Variants in DNAH17 observed in about 807,000 individuals in gnomAD.
The protein encoded by DNAH17 is dynein axonemal heavy chain 17.
In DNAH17, 376 loss-of-function variants were observed where a neutral mutation model predicts 485.6. The ratio of observed to expected loss-of-function variants is 0.77; its 90% CI spans 0.71 to 0.84. The LOEUF (loss-of-function observed/expected upper bound fraction) is 0.84, where lower values mean the gene tolerates loss of function less well. DNAH17 is among the 40% of genes least tolerant of loss of function. The pLI, the probability that DNAH17 is intolerant of heterozygous loss-of-function variation, is 0.00. For missense variants in DNAH17, 6,370 were observed against 5,839.3 expected (o/e 1.09, Z -2.96); for synonymous variants, 3,031 against 2,405.9 (o/e 1.26, Z -7.60).
At chr17:78,445,819 A>G (rs2087264507) in intron 69 of DNAH17, 139 bp from the exon 70 acceptor site, 6 of 914,308 alleles carry the variant, frequency 6.6e-6, no homozygotes, top group Non-Finnish European at 9.8e-6. Context: ...GGTTTGGGGT[A>G]AAGTTTTGTC....
At chr17:78,515,776 C>T (rs1341924955) in intron 25 of DNAH17, among the ~76,000 whole-genome samples, 1 of 152,244 alleles carries the variant, frequency 6.6e-6, no homozygotes, top group Non-Finnish European at 1.5e-5. Context: ...TCCCAGGAAA[C>T]AACTGCTTGG....
intron 2 of DNAH17, among the ~76,000 whole-genome samples, chr17:78,574,339 C>CA (rs1457791630): frequency 6.6e-6 from 1 of 151,850 alleles, no homozygotes; most frequent in African/African-American, 2.4e-5. Context: ...CATCTCTTAC[C>CA]AAAAAATACG....
At chr17:78,466,510 C>T in intron 56 of DNAH17, 145 bp downstream of exon 56, 1 of 533,444 alleles carries the variant, frequency 1.9e-6, no homozygotes, top group Admixed American at 4.3e-5. Context: ...GAGTTTCTGG[C>T]AGCCTCTTAA....
chr17:78,562,013 A>C (rs1265074208), intron 11 of DNAH17, 33 bp from the exon 12 acceptor site: 1 of 1,534,892 alleles, frequency 6.5e-7, no homozygotes, highest in Admixed American at 2.0e-5. Context: ...CCTCTTCACC[A>C]CAGTCTCCTC....
intron 13 of DNAH17, among the ~76,000 whole-genome samples, chr17:78,560,479 TC>T (rs61060108): frequency 0.23 from 34,144 of 151,688 alleles, 4,512 homozygotes; most frequent in East Asian, 0.5. Context: ...AAAGACTTTT[TC>T]CCCCCCCCCA....
intron 48 of DNAH17, among the ~76,000 whole-genome samples, chr17:78,484,366 CCTCT>C (rs1448479380): frequency 1.3e-5 from 2 of 152,012 alleles, no homozygotes; most frequent in African/African-American, 4.8e-5. Context: ...GAATGCTCTC[CCTCT>C]AAGGTCCCAC....
intron 19 of DNAH17, among the ~76,000 whole-genome samples, chr17:78,536,891 C>G (rs1447801129): frequency 6.6e-6 from 1 of 151,790 alleles, no homozygotes; most frequent in African/African-American, 2.4e-5. Context: ...AAAAGGTAAG[C>G]AGGGCCGGGC....
At chr17:78,500,983 G>A (rs935399969) in intron 35 of DNAH17, 3 of 519,804 alleles carry the variant, frequency 5.8e-6, no homozygotes, top group Non-Finnish European at 9.5e-6. Context: ...CCACAGAGGG[G>A]TGCAGGAACT....
chr17:78,428,924 TAAAAAAAAA>T (rs11409298), intron 76 of DNAH17, among the ~76,000 whole-genome samples, 188 bp downstream of exon 76: 1 of 103,318 alleles, frequency 9.7e-6, no homozygotes, highest in South Asian at 3.5e-4. Flanking sequence ...TTTCTTTCTT[TAAAAAAAAA>T]AAAAAAAAAA....
intron 32 of DNAH17, 61 bp from the exon 33 acceptor site, chr17:78,502,759 G>A: frequency 1.9e-6 from 3 of 1,597,072 alleles, no homozygotes; most frequent in Non-Finnish European, 2.6e-6. Context: ...TGCTAACGCA[G>A]ACATTCCTGC....
intron 51 of DNAH17, among the ~76,000 whole-genome samples, chr17:78,477,999 CCAT>C (rs879224618): frequency 6.1e-5 from 7 of 115,492 alleles, no homozygotes; most frequent in African/African-American, 1.1e-4. Context: ...ATCACCACCA[CCAT>C]CATCACCATC....
chr17:78,573,701 G>A lies in DNAH17; in HGVS notation c.346-807C>T, dbSNP rs116602336. Among the ~76,000 whole-genome samples, 413 of 152,046 alleles carry A rather than the reference G, an allele frequency of 2.7e-3. 3 individuals are homozygous for A. Among genetic ancestry groups the A allele is most frequent in the African/African-American group, 9.6e-3 (399 of 41,454 alleles). Reference sequence around the variant, plus strand: ...AGGGGAGATTAGACATGCACAGAAGGCCGACCACATGAGGACCCAGGGAGA... The same window carrying A: ...AGGGGAGATTAGACATGCACAGAAGACCGACCACATGAGGACCCAGGGAGA... On this transcript the variant is annotated intron_variant, in intron 2 of 80. Coordinates refer to ENST00000389840, the MANE Select transcript of DNAH17 (RefSeq NM_173628.4).
chr17:78,479,147 A>C, intron 50 of DNAH17, 31 bp from the exon 51 acceptor site: 4 of 1,606,182 alleles, frequency 2.5e-6, no homozygotes, highest in Non-Finnish European at 3.4e-6. Context: ...GTCAATTCTC[A>C]TGTACTCTTG....
At chr17:78,553,283 G>GTGTTTTTT (rs2091945217) in intron 14 of DNAH17, among the ~76,000 whole-genome samples, 1 of 51,018 alleles carries the variant, frequency 2.0e-5, no homozygotes, top group Admixed American at 2.7e-4. Flanking sequence ...AGGTTTTTGT[G>GTGTTTTTT]TTTTTTTTTT....
intron 65 of DNAH17, 115 bp downstream of exon 65, chr17:78,453,228 G>C: frequency 7.1e-7 from 1 of 1,409,582 alleles, no homozygotes; most frequent in Non-Finnish European, 9.7e-7. Flanking sequence ...CAAAGCCCTT[G>C]CTGCTTACCA....
At chr17:78,437,095 CCTAG>C (rs1179095666) in intron 74 of DNAH17, among the ~76,000 whole-genome samples, 14 of 152,188 alleles carry the variant, frequency 9.2e-5, no homozygotes, top group Non-Finnish European at 1.9e-4. Flanking sequence ...GACCGGGCTC[CCTAG>C]CTAGCTGTGT....
chr17:78,563,954 C>T (rs2092214351), intron 11 of DNAH17, among the ~76,000 whole-genome samples: 2 of 151,286 alleles, frequency 1.3e-5, no homozygotes, highest in African/African-American at 4.9e-5. Flanking sequence ...TGAGCATAAA[C>T]ATACGTGAAA....
chr17:78,453,659 G>C (rs539057128), intron 64 of DNAH17, among the ~76,000 whole-genome samples, 194 bp from the exon 65 acceptor site: 6 of 152,220 alleles, frequency 3.9e-5, no homozygotes, highest in African/African-American at 1.4e-4. Context: ...AACTGCCCCC[G>C]TGCTCTTATG....
intron 19 of DNAH17, among the ~76,000 whole-genome samples, chr17:78,536,976 C>T (rs963335415): frequency 6.6e-6 from 1 of 151,778 alleles, no homozygotes; most frequent in Admixed American, 6.6e-5. Context: ...GAGATCCAGA[C>T]CATCCTGGCT....
Sources: allele counts gnomAD v4.1 joint callset (sites outside exome capture counted in the v4.1 genomes callset), GRCh38; gene constraint gnomAD v4.1.1; transcripts MANE v1.5; gene names NCBI Gene and HGNC (gene_info 2026-07-23, HGNC 2026-07-21).